Variants in DSCAM observed in about 807,000 individuals in gnomAD.
DSCAM encodes the protein cell adhesion molecule DSCAM.
In DSCAM, 47 loss-of-function variants were observed where a neutral mutation model predicts 217.7. The observed-to-expected ratio is 0.22, with a 90% CI of 0.17 to 0.28. The LOEUF is 0.28. Among genes scored for constraint, DSCAM ranks in the 10% least tolerant of loss-of-function variants. The probability of loss-of-function intolerance (pLI) is 1.00; values close to 1 mark genes in which losing one functional copy is unlikely to be tolerated. For missense variants in DSCAM, 2,080 were observed against 2,618.3 expected, an observed-to-expected ratio of 0.79 and a Z score of 4.49; for synonymous variants, 1,056 against 1,015.3, an observed-to-expected ratio of 1.04 and a Z score of -0.76.
At chr21:40,077,160 G>A (rs1030327181) in intron 26 of DSCAM, among the ~76,000 whole-genome samples, 1 of 152,226 alleles carries the variant, frequency 6.6e-6, no homozygotes, top group South Asian at 2.1e-4. Context: ...GCTATTCTGG[G>A]GCCATAGGAC....
rs1568955327 is a variant in DSCAM at position 40,637,626 on chromosome 21, TATATAA to T, written c.508+55178_508+55183del. The stretch of plus-strand genomic sequence containing the variant: ...ATATAAATATATATAAATATATACA[TATATAA>T]ATATATATAAATATATATCTATATA... On this transcript the variant is annotated intron_variant, in intron 3 of 32. Transcript: ENST00000400454. 2.9e-3 allele frequency among the ~76,000 whole-genome samples: 105 copies of T among 35,596 alleles called. 1 individual carries two copies. Among genetic ancestry groups the T allele is most frequent in the Middle Eastern group, 0.016 (1 of 64 alleles). The allele number at this position is 35,596 out of a possible 152,430, so 23.4% of individuals were successfully genotyped here. A position where few individuals can be genotyped will look rare whatever the true frequency, so the allele number is the denominator to read the frequency against.
At chr21:40,123,212 T>C (rs1489105423) in intron 20 of DSCAM, among the ~76,000 whole-genome samples, 1 of 152,054 alleles carries the variant, frequency 6.6e-6, no homozygotes, top group Non-Finnish European at 1.5e-5. Context: ...AGATGGATGG[T>C]GGTGATGGCT....
At chr21:40,637,620 TATAC>T (rs796185766) in intron 3 of DSCAM, among the ~76,000 whole-genome samples, 20 of 42,386 alleles carry the variant, frequency 4.7e-4, no homozygotes, top group East Asian at 5.5e-4. Flanking sequence ...TATATAAATA[TATAC>T]ATATATAAAT....
intron 1 of DSCAM, among the ~76,000 whole-genome samples, chr21:40,728,790 C>G (rs2090984020): frequency 6.6e-6 from 1 of 152,170 alleles, no homozygotes; most frequent in Non-Finnish European, 1.5e-5. Context: ...GCATTTTCAC[C>G]CATCATTGTC....
At chr21:40,580,865 T>C (rs2076899790) in intron 3 of DSCAM, among the ~76,000 whole-genome samples, 1 of 152,208 alleles carries the variant, frequency 6.6e-6, no homozygotes, top group African/African-American at 2.4e-5. Context: ...TGGTGTTTAT[T>C]AGAAAGAAGT....
chr21:40,225,215 T>C (rs192256120), intron 11 of DSCAM, among the ~76,000 whole-genome samples: 3 of 152,312 alleles, frequency 2.0e-5, no homozygotes, highest in Non-Finnish European at 1.5e-5. Flanking sequence ...ATATGCGTAC[T>C]TGTATTTCCC....
chr21:40,101,579 T>C (rs1234820807), intron 20 of DSCAM, among the ~76,000 whole-genome samples: 2 of 152,032 alleles, frequency 1.3e-5, no homozygotes, highest in Non-Finnish European at 2.9e-5. Context: ...AGGTCCCTAG[T>C]ATTAGTCCGT....
At chr21:40,178,310 G>A (rs896277924) in intron 15 of DSCAM, among the ~76,000 whole-genome samples, 30 of 152,172 alleles carry the variant, frequency 2.0e-4, no homozygotes, top group Admixed American at 2.0e-3. Flanking sequence ...ATCACTGCCT[G>A]TTCCTGGGTT....
chr21:40,498,781 GTATATATATATA>G (rs1166919235), intron 3 of DSCAM, among the ~76,000 whole-genome samples: 23 of 26,022 alleles, frequency 8.8e-4, no homozygotes, highest in Middle Eastern at 0.042. Flanking sequence ...ATATGGGTGT[GTATATATATATA>G]TATATATATA....
At chr21:40,225,208 T>C (rs2091321242) in intron 11 of DSCAM, among the ~76,000 whole-genome samples, 1 of 152,236 alleles carries the variant, frequency 6.6e-6, no homozygotes, top group Admixed American at 6.5e-5. Context: ...TGTACACATA[T>C]GCGTACTTGT....
At chr21:40,540,689 C>A (rs993542991) in intron 3 of DSCAM, among the ~76,000 whole-genome samples, 1 of 152,128 alleles carries the variant, frequency 6.6e-6, no homozygotes, top group Admixed American at 6.5e-5. Flanking sequence ...TCCCGCATCT[C>A]CTTTGCTTTC....
chr21:40,485,540 C>T (rs913861365), intron 3 of DSCAM, among the ~76,000 whole-genome samples: 7 of 151,724 alleles, frequency 4.6e-5, no homozygotes, highest in Non-Finnish European at 1.0e-4. Flanking sequence ...CCGCGCCCGG[C>T]CCACACTGAC....
At chr21:40,223,098 C>T (rs1360480223) in intron 11 of DSCAM, among the ~76,000 whole-genome samples, 1 of 152,218 alleles carries the variant, frequency 6.6e-6, no homozygotes, top group Non-Finnish European at 1.5e-5. Context: ...TCTTTCCCCT[C>T]CTGACACCAG....
At chr21:40,352,138 TGGAACACTAGTCATAA>T (rs2074637819) in intron 5 of DSCAM, among the ~76,000 whole-genome samples, 1 of 152,196 alleles carries the variant, frequency 6.6e-6, no homozygotes, top group Non-Finnish European at 1.5e-5. Flanking sequence ...GTTCCAATAA[TGGAACACTAGTCATAA>T]GTGGGTTTTA....
chr21:40,517,937 C>T (rs2076316518), intron 3 of DSCAM, among the ~76,000 whole-genome samples: 3 of 152,096 alleles, frequency 2.0e-5, no homozygotes, highest in Non-Finnish European at 4.4e-5. Context: ...TGGCCCTGCA[C>T]ATGGCTCTGA....
At chr21:40,727,355 C>T (rs2090966639) in intron 1 of DSCAM, among the ~76,000 whole-genome samples, 1 of 152,156 alleles carries the variant, frequency 6.6e-6, no homozygotes, top group Non-Finnish European at 1.5e-5. Flanking sequence ...CCTTCCTCCT[C>T]ATGTATGTGA....
intron 3 of DSCAM, among the ~76,000 whole-genome samples, chr21:40,501,677 C>T (rs1213192998): frequency 5.3e-5 from 8 of 152,162 alleles, no homozygotes; most frequent in Admixed American, 3.3e-4. Context: ...CAGCAACCTC[C>T]GCCTCCCGGG....
chr21:40,327,311 C>T (rs2074328411), intron 8 of DSCAM, among the ~76,000 whole-genome samples: 1 of 152,114 alleles, frequency 6.6e-6, no homozygotes, highest in Non-Finnish European at 1.5e-5. Context: ...TTCCCATGTT[C>T]AGCAAGTGCA....
chr21:40,453,073 TGTGTGTGTGTGTGTGTGTGA>T (rs1469415051), intron 3 of DSCAM, among the ~76,000 whole-genome samples: 4 of 148,892 alleles, frequency 2.7e-5, no homozygotes, highest in African/African-American at 5.0e-5. Context: ...TGTGTGTGTG[TGTGTGTGTGTGTGTGTGTGA>T]GATATATGTG....
Sources: gnomAD v4.1 joint callset for allele counts (sites outside exome capture counted in the v4.1 genomes callset) on GRCh38, gnomAD v4.1.1 for gene constraint, MANE v1.5 for transcripts, NCBI Gene and HGNC (gene_info 2026-07-23, HGNC 2026-07-21) for gene names.